The following SLC25A16 variants were observed in gnomAD, a reference collection of about 807,000 sequenced individuals.
The protein encoded by SLC25A16 is solute carrier family 25 member 16, also known as mitochondrial coenzyme A transporter SLC25A16.
SLC25A16 carries 39 observed loss-of-function variants against 41.5 expected under a neutral mutation model. The ratio of observed to expected loss-of-function variants is 0.94; its 90% CI spans 0.73 to 1.23. The LOEUF (loss-of-function observed/expected upper bound fraction) is 1.23. Among genes scored for constraint, SLC25A16 ranks in the 50% most tolerant of loss-of-function variants. The pLI, the probability that SLC25A16 is intolerant of heterozygous loss-of-function variation, is 0.00. For missense variants in SLC25A16, 421 were observed against 426.9 expected (o/e 0.99, Z 0.12); for synonymous variants, 146 against 147.8 (o/e 0.99, Z 0.09).
At chr10:68,519,869 C>T (rs2053221541) in intron 1 of SLC25A16, among the ~76,000 whole-genome samples, 1 of 148,494 alleles carries the variant, frequency 6.7e-6, no homozygotes, top group Non-Finnish European at 1.5e-5. Flanking sequence ...GAGCCGAGAT[C>T]ATGTCACTGC....
intron 2 of SLC25A16, 69 bp from the exon 3 acceptor site, chr10:68,506,787 C>T: frequency 9.9e-7 from 1 of 1,014,306 alleles, no homozygotes; most frequent in Admixed American, 3.1e-5. Context: ...ATGACAATCA[C>T]AGATAAAGAT....
In SLC25A16 at chr10:68,516,799, G is replaced by C; in HGVS notation, c.175C>G (p.Arg59Gly). The change falls in exon 2 of 9, where the codon CGA (arginine) becomes GGA (glycine). Residue 59 changes from arginine (R) to glycine (G), a missense_variant. Physicochemically the swap from Arg to Gly is moderately radical, Grantham distance 125. Coordinates refer to ENST00000609923, the MANE Select transcript of SLC25A16 (RefSeq NM_152707.4). ...TGAGCTTGTAATAAAACCTTTACTC[G>C]ATCCAATGGAGCAACTGTTGTTTTG... The part of the protein sequence containing the change: ...CAKTTVAPLD[R>G]VKVLLQAHNH... 6.2e-7 allele frequency: 1 copy of C among 1,612,702 alleles called. No homozygotes were observed. The highest frequency in any genetic ancestry group is 8.5e-7 in the Non-Finnish European group (1 of 1,179,300).
intron 2 of SLC25A16, among the ~76,000 whole-genome samples, chr10:68,507,614 C>T (rs1473895270): frequency 2.0e-5 from 3 of 152,052 alleles, no homozygotes; most frequent in African/African-American, 7.2e-5. Flanking sequence ...TTCTAACTGA[C>T]AAGTAAAAAA....
intron 2 of SLC25A16, among the ~76,000 whole-genome samples, chr10:68,514,038 C>T (rs565007965): frequency 6.6e-6 from 1 of 151,980 alleles, no homozygotes; most frequent in Non-Finnish European, 1.5e-5. Context: ...ACTGAAAATA[C>T]AAAAATTAGC....
intron 4 of SLC25A16, chr10:68,499,521 G>A (rs2052805540): frequency 5.1e-6 from 1 of 195,482 alleles, no homozygotes; most frequent in South Asian, 1.0e-4. Context: ...ACCGAAGCAG[G>A]AGCAGCCAAA....
At position 68,479,408 on chromosome 10, in the gene SLC25A16, G is replaced by A. The variant is rs1365853464; in HGVS notation, c.*4024C>T. On this transcript the variant is annotated 3_prime_UTR_variant, in exon 9 of 9. Coordinates refer to ENST00000609923, the MANE Select transcript of SLC25A16 (RefSeq NM_152707.4). The stretch of plus-strand genomic sequence containing the variant: ...CTGATTTGGGAACCCAAATCAGATT[G>A]CAAGTACAGCTAACAAGCCTCCCAA... 1 of 152,186 alleles carries A rather than the reference G, an allele frequency of 6.6e-6. No individual in the cohort carries two copies. Among genetic ancestry groups the A allele is most frequent in the Non-Finnish European group, 1.5e-5 (1 of 68,026 alleles). 9.4% of individuals were successfully genotyped at this position (152,186 alleles called of 1,614,324 possible). A position where few individuals can be genotyped will look rare whatever the true frequency, so the allele number is the denominator to read the frequency against.
chr10:68,500,712 C>A (rs1250652246), intron 4 of SLC25A16, among the ~76,000 whole-genome samples: 1 of 151,594 alleles, frequency 6.6e-6, no homozygotes, highest in Non-Finnish European at 1.5e-5. Flanking sequence ...AGGTAGATCA[C>A]CTGAGGTCCG....
intron 1 of SLC25A16, among the ~76,000 whole-genome samples, chr10:68,520,733 ATC>A (rs1434765286): frequency 3.3e-5 from 5 of 150,740 alleles, no homozygotes; most frequent in East Asian, 3.9e-4. Flanking sequence ...AATTGCTTGA[ATC>A]CAGGAGGCAG....
rs10998222 is a variant in SLC25A16 at position 68,487,117 on chromosome 10, A to C, written c.842+27T>G. 3.0e-5 allele frequency: 48 copies of C among 1,579,156 alleles called. 1 individual carries two copies. In the African/African-American group the frequency reaches 6.3e-4, roughly 21 times the overall value. On this transcript the variant is annotated intron_variant, in intron 8 of 8. Coordinates refer to ENST00000609923, the MANE Select transcript of SLC25A16 (RefSeq NM_152707.4). ...TTTAATGTTACATTTCCTAAAGAAA[A>C]TGAACAATGACATATGATGAACTTA... is the stretch of plus-strand genomic sequence containing the variant.
At chr10:68,507,033 T>C (rs538671389) in intron 2 of SLC25A16, among the ~76,000 whole-genome samples, 19 of 150,432 alleles carry the variant, frequency 1.3e-4, no homozygotes, top group Non-Finnish European at 2.5e-4. Flanking sequence ...AATAGAAATA[T>C]ATGCAAGGTC....
intron 4 of SLC25A16, among the ~76,000 whole-genome samples, chr10:68,501,756 A>G (rs920263928): frequency 6.6e-6 from 1 of 152,062 alleles, no homozygotes; most frequent in African/African-American, 2.4e-5. Flanking sequence ...TCCATCTCTA[A>G]AATAACTTTT....
Position 68,488,504 on chromosome 10 carries a change from A to C in SLC25A16, c.736T>G (p.Cys246Gly), listed in dbSNP as rs759201594. The C allele has an allele frequency of 2.5e-6, 4 of 1,569,960 alleles. No individual in the cohort carries two copies. The highest frequency in any genetic ancestry group is 2.2e-5 in the Admixed American group (1 of 45,980). Residue 246 changes from cysteine to glycine, a missense_variant, in exon 7 of 9, where the codon TGT (cysteine) becomes GGT (glycine). Physicochemically the swap from Cys to Gly is radical, Grantham distance 159. Transcript: ENST00000609923. ...LVLKTHVNLL[C>G]GGVAGAIAQT... ...GCTATTGCTCCAGCAACACCACCAC[A>C]AAGTAAGTTTACATGAGTTTTCAAA...
intron 1 of SLC25A16, among the ~76,000 whole-genome samples, chr10:68,526,472 A>C (rs2053339368): frequency 6.6e-6 from 1 of 152,096 alleles, no homozygotes; most frequent in African/African-American, 2.4e-5. Flanking sequence ...ATAAATACTA[A>C]GGGAACTCAG....
At position 68,493,314 on chromosome 10, in the gene SLC25A16, A is replaced by T. The variant is rs1248797715; in HGVS notation, c.544-116T>A. On this transcript the variant is annotated intron_variant, in intron 5 of 8. Transcript: ENST00000609923. ...TATTCAGGGATCCACCCTGAAACAC[A>T]AAGATGTGTTTTCGTAATTATTGTT... 3 of 1,127,154 alleles carry T rather than the reference A, an allele frequency of 2.7e-6. No homozygotes were observed. In the African/African-American group the frequency reaches 4.7e-5, roughly 18 times the overall value. The allele number at this position is 1,127,154 out of a possible 1,614,324, so 69.8% of individuals were successfully genotyped here.
rs1412498060 is a variant in SLC25A16, at chr10:68,489,881, C to G, written c.611-1252G>C. On this transcript the variant is annotated intron_variant, in intron 6 of 8. Coordinates refer to ENST00000609923, the MANE Select transcript of SLC25A16 (RefSeq NM_152707.4). ...GCAACACTGCACTCTAGCCTGGCAACAGAGCGAGACTCTGTCTCAAAAAAA... is the reference window on the plus strand; with the variant it reads ...GCAACACTGCACTCTAGCCTGGCAAGAGAGCGAGACTCTGTCTCAAAAAAA... Among the ~76,000 whole-genome samples the G allele has an allele frequency of 2.3e-5, 3 of 132,020 alleles. No individual in the cohort carries two copies. The Admixed American group carries it at 2.5e-4, about 11-fold the overall frequency. The allele number at this position is 132,020 out of a possible 152,430, so 86.6% of individuals were successfully genotyped here. A position where few individuals can be genotyped will look rare whatever the true frequency, so the allele number is the denominator to read the frequency against.
chr10:68,483,044 C>T lies in SLC25A16; in HGVS notation c.*388G>A. The T allele has an allele frequency of 6.5e-6, 1 of 154,592 alleles. No homozygotes were observed. The highest frequency in any genetic ancestry group is 1.4e-5 in the Non-Finnish European group (1 of 69,638). 9.6% of individuals were successfully genotyped at this position (154,592 alleles called of 1,614,324 possible). A position where few individuals can be genotyped will look rare whatever the true frequency, so the allele number is the denominator to read the frequency against. ...TTATTCTATTGCAATATAACCAACCCTGTTTATTTTAATAATAATAAACAC... is the reference window on the plus strand; with the variant it reads ...TTATTCTATTGCAATATAACCAACCTTGTTTATTTTAATAATAATAAACAC... On this transcript the variant is annotated 3_prime_UTR_variant, in exon 9 of 9. Coordinates refer to ENST00000609923, the MANE Select transcript of SLC25A16 (RefSeq NM_152707.4).
rs2052478444 is a variant in SLC25A16 at position 68,480,997 on chromosome 10, A to T, written c.*2435T>A. ...TACAGTCTCACTCTGTATAAAAGAAATTTTTATACAGGCTTTTATACAGCC... is the reference window on the plus strand; with the variant it reads ...TACAGTCTCACTCTGTATAAAAGAATTTTTTATACAGGCTTTTATACAGCC... On this transcript the variant is annotated 3_prime_UTR_variant, in exon 9 of 9. Transcript: ENST00000609923. 6.6e-6 allele frequency: 1 copy of T among 151,398 alleles called. No homozygotes were observed. The highest frequency in any genetic ancestry group is 2.4e-5 in the African/African-American group (1 of 41,188). The allele number at this position is 151,398 out of a possible 1,614,324, so 9.4% of individuals were successfully genotyped here.
chr10:68,498,341 G>C (rs895286319), intron 4 of SLC25A16, among the ~76,000 whole-genome samples: 1 of 140,430 alleles, frequency 7.1e-6, no homozygotes, highest in South Asian at 2.2e-4. Flanking sequence ...TTTTTTTTGA[G>C]ACAGAGTCTC....
intron 4 of SLC25A16, chr10:68,503,329 T>C (rs1283504393): frequency 1.1e-4 from 25 of 221,722 alleles, no homozygotes; most frequent in Non-Finnish European, 1.7e-4. Flanking sequence ...GCTTTTCACA[T>C]AGTTATAAGT....
Sources: gnomAD v4.1 joint callset for allele counts (sites outside exome capture counted in the v4.1 genomes callset) on GRCh38, gnomAD v4.1.1 for gene constraint, MANE v1.5 for transcripts, NCBI Gene and HGNC (gene_info 2026-07-23, HGNC 2026-07-21) for gene names.